GRXCR2: variants seen among roughly 807,000 people sequenced by gnomAD.
GRXCR2 encodes glutaredoxin domain-containing cysteine-rich protein 2.
A neutral mutation model predicts 24.8 loss-of-function variants in GRXCR2; 23 were observed. The ratio of observed to expected loss-of-function variants is 0.93; its 90% CI spans 0.67 to 1.32. The LOEUF (loss-of-function observed/expected upper bound fraction) is 1.32. Ranked by LOEUF, GRXCR2 falls within the 40% of genes most tolerant of loss-of-function variation. GRXCR2 has a pLI of 0.00. For synonymous variants in GRXCR2, 130 were observed against 116.1 expected (o/e 1.12, Z -0.77); for missense variants, 315 against 303.4 (o/e 1.04, Z -0.28).
chr5:145,910,926 A>G (rs1757156474), intron 2 of GRXCR2, among the ~76,000 whole-genome samples: 1 of 152,028 alleles, frequency 6.6e-6, no homozygotes, highest in Admixed American at 6.5e-5. Flanking sequence ...TGAGGACGCC[A>G]AGGCCCTGAA....
intron 2 of GRXCR2, among the ~76,000 whole-genome samples, chr5:145,865,392 T>C (rs556152626): frequency 9.2e-5 from 14 of 152,226 alleles, no homozygotes; most frequent in Non-Finnish European, 1.8e-4. Context: ...ATGTCTGAGC[T>C]ATGGTTTCCA....
chr5:145,866,488 C>T lies in GRXCR2; in HGVS notation c.564+13G>A. The T allele has an allele frequency of 6.9e-6, 11 of 1,598,634 alleles. No homozygotes were observed. Among genetic ancestry groups the T allele is most frequent in the Non-Finnish European group, 9.4e-6 (11 of 1,166,466 alleles). On this transcript the variant is annotated intron_variant, in intron 2 of 2. Transcript: ENST00000377976. The stretch of plus-strand genomic sequence containing the variant: ...GCCAGCTCCGAGCAGGACAGTCAAG[C>T]TCCCCAACGCACCTGTGTATACCGG...
At chr5:145,860,005 G>A in intron 2 of GRXCR2, 90 bp from the exon 3 acceptor site, 1 of 1,091,470 alleles carries the variant, frequency 9.2e-7, no homozygotes, top group Non-Finnish European at 1.3e-6. Context: ...TACAGCAAAG[G>A]CTGGGGCAGA....
chr5:145,913,118 C>T (rs1757189682), intron 2 of GRXCR2, among the ~76,000 whole-genome samples: 1 of 152,152 alleles, frequency 6.6e-6, no homozygotes, highest in Non-Finnish European at 1.5e-5. Flanking sequence ...CACCCAATTC[C>T]TGCCATCGTT....
chr5:145,876,281 CTTTT>C (rs533734278), upstream of GRXCR2, among the ~76,000 whole-genome samples: 4 of 127,874 alleles, frequency 3.1e-5, no homozygotes. Context: ...TATTATTTTC[CTTTT>C]TTTTTTTTTG....
At chr5:145,897,451 CACTTGACCA>C (rs1485064529) in intron 2 of GRXCR2, among the ~76,000 whole-genome samples, 5 of 152,096 alleles carry the variant, frequency 3.3e-5, no homozygotes, top group Non-Finnish European at 7.4e-5. Context: ...TTAAGCTCAA[CACTTGACCA>C]ACTGGACCCA....
intron 2 of GRXCR2, among the ~76,000 whole-genome samples, chr5:145,931,460 G>A (rs892801785): frequency 3.9e-5 from 6 of 152,154 alleles, no homozygotes; most frequent in African/African-American, 1.4e-4. Context: ...CTGTGGGCCT[G>A]GTGATTGCAT....
intron 1 of GRXCR2, among the ~76,000 whole-genome samples, chr5:145,868,879 C>T (rs770765905): frequency 1.4e-4 from 22 of 152,178 alleles, no homozygotes; most frequent in Non-Finnish European, 2.4e-4. Context: ...TCTAAGGAAA[C>T]TCTATGGTTG....
At chr5:145,919,979 C>G (rs1307157159) in intron 2 of GRXCR2, among the ~76,000 whole-genome samples, 4 of 152,120 alleles carry the variant, frequency 2.6e-5, no homozygotes, top group Admixed American at 2.0e-4. Flanking sequence ...CCGAGGCACC[C>G]AGGGCCCTGA....
chr5:145,897,033 G>A (rs1447194992), intron 2 of GRXCR2, among the ~76,000 whole-genome samples: 1 of 149,236 alleles, frequency 6.7e-6, no homozygotes, highest in Non-Finnish European at 1.5e-5. Flanking sequence ...CTATCGCAAG[G>A]ACAAAAAACC....
intron 1 of GRXCR2, among the ~76,000 whole-genome samples, chr5:145,870,552 A>G (rs1326214221): frequency 6.6e-6 from 1 of 152,164 alleles, no homozygotes; most frequent in Non-Finnish European, 1.5e-5. Context: ...TGTTGTACAT[A>G]TATCTGTTTG....
chr5:145,873,084 G>T, upstream of GRXCR2: 3 of 787,824 alleles, frequency 3.8e-6, no homozygotes, highest in South Asian at 1.8e-5. Flanking sequence ...TCAAGTTGTT[G>T]CTGGGGTATG....
intron 2 of GRXCR2, among the ~76,000 whole-genome samples, chr5:145,926,423 T>C (rs1016277893): frequency 6.6e-6 from 1 of 152,202 alleles, no homozygotes; most frequent in African/African-American, 2.4e-5. Context: ...AAGGAAGGGA[T>C]CCAGTTTCAG....
At chr5:145,879,513 A>G (rs2149914828) in intron 2 of GRXCR2, among the ~76,000 whole-genome samples, 1 of 152,362 alleles carries the variant, frequency 6.6e-6, no homozygotes, top group Non-Finnish European at 1.5e-5. Context: ...TATCCTAAAT[A>G]TATATGCACC....
intron 1 of GRXCR2, among the ~76,000 whole-genome samples, chr5:145,868,718 A>G (rs1756475363): frequency 6.6e-6 from 1 of 151,988 alleles, no homozygotes; most frequent in Non-Finnish European, 1.5e-5. Flanking sequence ...GAGATCACCT[A>G]CTCCAAACCC....
intron 2 of GRXCR2, among the ~76,000 whole-genome samples, chr5:145,860,956 C>G (rs1756326936): frequency 6.6e-6 from 1 of 152,072 alleles, no homozygotes; most frequent in African/African-American, 2.4e-5. Context: ...TGGCTATTGT[C>G]TTGCTCTCCC....
chr5:145,914,035 G>T (rs565600574), intron 2 of GRXCR2, among the ~76,000 whole-genome samples: 1 of 152,174 alleles, frequency 6.6e-6, no homozygotes, highest in African/African-American at 2.4e-5. Context: ...GGTGGAGCTG[G>T]TGAGTAAAGG....
chr5:145,926,783 AT>A lies in GRXCR2; in HGVS notation c.-70+8917del, dbSNP rs375688534. On this transcript the variant is annotated intron_variant, in intron 2 of 3. Coordinates refer to the GRXCR2 transcript ENST00000639411. ...TGTGAAGAAAGTCATTGGTAGCTTG[AT>A]GGGGATGCCATTGAATCTATAAATT... 3.7e-4 allele frequency among the ~76,000 whole-genome samples: 56 copies of A among 152,318 alleles called. No homozygotes were observed. The East Asian group carries it at 8.7e-3, about 24-fold the overall frequency.
chr5:145,918,216 C>A (rs980960363), intron 2 of GRXCR2, among the ~76,000 whole-genome samples: 1 of 152,224 alleles, frequency 6.6e-6, no homozygotes, highest in African/African-American at 2.4e-5. Flanking sequence ...ACTCCTTTAA[C>A]AGAACTTTAC....
Sources: allele counts gnomAD v4.1 joint callset (sites outside exome capture counted in the v4.1 genomes callset), GRCh38; gene constraint gnomAD v4.1.1; transcripts MANE v1.5; gene names NCBI Gene and HGNC (gene_info 2026-07-23, HGNC 2026-07-21).